Variants in EFCAB13 observed in about 807,000 individuals in gnomAD.
EFCAB13 encodes the protein EF-hand calcium-binding domain-containing protein 13.
Under a neutral mutation model 110.2 loss-of-function variants are expected in EFCAB13, and 91 were observed. The ratio of observed to expected loss-of-function variants is 0.83; its 90% CI spans 0.70 to 0.98. The LOEUF is 0.98. Among genes scored for constraint, EFCAB13 ranks in the 50% least tolerant of loss-of-function variants. EFCAB13 has a pLI of 0.00. For missense variants in EFCAB13, 968 were observed against 1,119.4 expected (o/e 0.86, Z 1.93); for synonymous variants, 323 against 369.9 (o/e 0.87, Z 1.45).
intron 20 of EFCAB13, among the ~76,000 whole-genome samples, chr17:47,405,743 G>A (rs775334742): frequency 1.3e-5 from 2 of 151,138 alleles, no homozygotes; most frequent in Non-Finnish European, 3.0e-5. Context: ...GCTACTGAAT[G>A]TTCTATTATC....
At chr17:47,434,223 A>T (rs1014118752) in intron 24 of EFCAB13, among the ~76,000 whole-genome samples, 1 of 152,146 alleles carries the variant, frequency 6.6e-6, no homozygotes, top group African/African-American at 2.4e-5. Flanking sequence ...AGGATACAAA[A>T]TCAGTGTACA....
At chr17:47,335,743 C>G (rs2065346070) in intron 5 of EFCAB13, among the ~76,000 whole-genome samples, 1 of 152,166 alleles carries the variant, frequency 6.6e-6, no homozygotes, top group African/African-American at 2.4e-5. Context: ...AGCATATCTT[C>G]ACAAGGCCAG....
At chr17:47,401,980 C>A in intron 17 of EFCAB13, 152 bp from the exon 18 acceptor site, 2 of 677,620 alleles carry the variant, frequency 3.0e-6, no homozygotes, top group Non-Finnish European at 5.2e-6. Context: ...ATTTATTAAT[C>A]CCATAAAATT....
chr17:47,374,745 A>T lies in EFCAB13; in HGVS notation c.1151A>T (p.Tyr384Phe). 6.2e-7 allele frequency: 1 copy of T among 1,614,134 alleles called. No homozygotes were observed. The highest frequency in any genetic ancestry group is 8.5e-7 in the Non-Finnish European group (1 of 1,179,996). ...GSSNVGVQEP[Y>F]SKNGINFKKH... ...AGTAATGTAGGAGTCCAAGAACCAT[A>T]TTCAAAGAATGGCATAAACTTTAAA... is the stretch of plus-strand genomic sequence containing the variant. Residue 384 changes from tyrosine (Y) to phenylalanine (F), a missense_variant, in exon 12 of 25, where the codon TAT becomes TTT. Transcript: ENST00000331493.
intron 24 of EFCAB13, chr17:47,430,535 A>G (rs1392745027): frequency 6.6e-6 from 1 of 152,152 alleles, no homozygotes; most frequent in Admixed American, 6.5e-5. Context: ...CATGTGGGCC[A>G]AGAGTTTTTT....
intron 10 of EFCAB13, among the ~76,000 whole-genome samples, chr17:47,368,373 A>G (rs1429107890): frequency 6.6e-6 from 1 of 152,182 alleles, no homozygotes; most frequent in Non-Finnish European, 1.5e-5. Context: ...TGGCAGACCC[A>G]CGGTTCATTG....
In EFCAB13 at chr17:47,403,902, C is replaced by T; in HGVS notation, c.2042C>T (p.Ala681Val). 6.2e-7 allele frequency: 1 copy of T among 1,608,046 alleles called. No homozygotes were observed. Among genetic ancestry groups the T allele is most frequent in the Non-Finnish European group, 8.5e-7 (1 of 1,177,430 alleles). ...GAGTTACAGGAAGTTGTCTTAGCTG[C>T]TGATTTGCTGGAAGGTGACATGATA... ...LEELQEVVLAADLLEGDMIAG... is the reference protein window; with the variant it reads ...LEELQEVVLAVDLLEGDMIAG... The change falls in exon 19 of 25, where the codon GCT (alanine) becomes GTT (valine). Residue 681 changes from alanine (A) to valine (V), a missense_variant. Physicochemically the swap from Ala to Val is moderately conservative, Grantham distance 64 (BLOSUM62 0). Transcript: ENST00000331493.
At chr17:47,434,491 C>G (rs1005279504) in intron 24 of EFCAB13, among the ~76,000 whole-genome samples, 1 of 152,048 alleles carries the variant, frequency 6.6e-6, no homozygotes, top group Non-Finnish European at 1.5e-5. Flanking sequence ...TCTACAGATT[C>G]ACTGCAATTC....
chr17:47,328,370 AT>A lies in EFCAB13; in HGVS notation c.20del (p.Leu7TyrfsTer12). 11 of 1,596,994 alleles carry A rather than the reference AT, an allele frequency of 6.9e-6. No homozygotes were observed. Among genetic ancestry groups the A allele is most frequent in the Non-Finnish European group, 9.4e-6 (11 of 1,172,190 alleles). On this transcript the variant is annotated frameshift_variant, in exon 4 of 25. Transcript: ENST00000331493. LOFTEE classifies it high-confidence loss of function. METKV[H>X]LFCQAEENID... ...AACAGAAAGATGGAAACTAAAGTACATTTATTCTGCCAGGTATTTATTTAAA... is the reference window on the plus strand; with the variant it reads ...AACAGAAAGATGGAAACTAAAGTACATTATTCTGCCAGGTATTTATTTAAA...
chr17:47,330,074 A>G (rs1369011245), intron 4 of EFCAB13, among the ~76,000 whole-genome samples: 1 of 152,108 alleles, frequency 6.6e-6, no homozygotes, highest in East Asian at 1.9e-4. Context: ...CTCAGGACTA[A>G]TGCACCTTTG....
chr17:47,424,874 CTTTTTT>C (rs548271723), intron 23 of EFCAB13, among the ~76,000 whole-genome samples: 15 of 36,896 alleles, frequency 4.1e-4, no homozygotes, highest in South Asian at 2.0e-3. Context: ...GGTTGACAAT[CTTTTTT>C]TTTTTTTTTT....
At chr17:47,365,525 C>T (rs1567788820) in intron 10 of EFCAB13, among the ~76,000 whole-genome samples, 1 of 152,220 alleles carries the variant, frequency 6.6e-6, no homozygotes, top group East Asian at 1.9e-4. Context: ...ATAGTAGTGG[C>T]TCAGTAGTGG....
Position 47,424,977 on chromosome 17 carries a change from G to A in EFCAB13, c.2495-4841G>A, listed in dbSNP as rs553633722. Among the ~76,000 whole-genome samples the A allele has an allele frequency of 2.7e-3, 363 of 136,220 alleles. 4 individuals are homozygous for A. Among genetic ancestry groups the A allele is most frequent in the African/African-American group, 9.9e-3 (355 of 35,710 alleles). 89.4% of individuals were successfully genotyped at this position (136,220 alleles called of 152,430 possible). On this transcript the variant is annotated intron_variant, in intron 23 of 24. Coordinates refer to ENST00000331493, the MANE Select transcript of EFCAB13 (RefSeq NM_152347.5). Reference sequence around the variant, plus strand: ...GGCTCACTGCAAGCTCCGCCTCCCGGGTTCACGCCATTCTCCTGCCTCAGC... The same window carrying A: ...GGCTCACTGCAAGCTCCGCCTCCCGAGTTCACGCCATTCTCCTGCCTCAGC...
At chr17:47,386,248 C>T (rs1002363173) in intron 14 of EFCAB13, among the ~76,000 whole-genome samples, 2 of 152,172 alleles carry the variant, frequency 1.3e-5, no homozygotes, top group Non-Finnish European at 2.9e-5. Flanking sequence ...TGCCCACAGC[C>T]GCCCCTTCCC....
chr17:47,380,977 G>T (rs559972132), intron 14 of EFCAB13, among the ~76,000 whole-genome samples: 2 of 150,564 alleles, frequency 1.3e-5, no homozygotes, highest in Non-Finnish European at 1.5e-5. Flanking sequence ...TTGCCTCCTG[G>T]GTTCAAGTGA....
At chr17:47,332,113 A>G (rs1159246438) in intron 4 of EFCAB13, among the ~76,000 whole-genome samples, 1 of 152,104 alleles carries the variant, frequency 6.6e-6, no homozygotes, top group Non-Finnish European at 1.5e-5. Context: ...TGTATGGTAA[A>G]AGTATGTTTA....
rs113245622 is a variant in EFCAB13 at position 47,365,238 on chromosome 17, G to A, written c.805+3717G>A. Among the ~76,000 whole-genome samples the A allele has an allele frequency of 8.6e-3, 1,306 of 152,206 alleles. 12 individuals carry two copies. Among genetic ancestry groups the A allele is most frequent in the African/African-American group, 0.027 (1,112 of 41,520 alleles). On this transcript the variant is annotated intron_variant, in intron 10 of 24. Coordinates refer to ENST00000331493, the MANE Select transcript of EFCAB13 (RefSeq NM_152347.5). ...GTGGTGCTTATAGCACATATTAACC[G>A]CTCAACAAATATTTGTTGAATGAAT...
chr17:47,355,605 G>A (rs539572985), intron 9 of EFCAB13, among the ~76,000 whole-genome samples: 29 of 132,752 alleles, frequency 2.2e-4, no homozygotes, highest in African/African-American at 6.4e-4. Flanking sequence ...ACAGAGTCTC[G>A]CTCTGTCACC....
At chr17:47,408,308 C>T (rs2065815724) in intron 20 of EFCAB13, among the ~76,000 whole-genome samples, 2 of 152,100 alleles carry the variant, frequency 1.3e-5, no homozygotes, top group East Asian at 3.9e-4. Flanking sequence ...ATAGAGTTTA[C>T]CCCATATTTA....
Sources: gnomAD v4.1 joint callset for allele counts (sites outside exome capture counted in the v4.1 genomes callset) on GRCh38, gnomAD v4.1.1 for gene constraint, MANE v1.5 for transcripts, NCBI Gene and HGNC (gene_info 2026-07-23, HGNC 2026-07-21) for gene names.